DNAJB9: variants seen among roughly 807,000 people sequenced by gnomAD.
The protein encoded by DNAJB9 is dnaJ homolog subfamily B member 9.
DNAJB9 carries 12 observed loss-of-function variants against 19.2 expected under a neutral mutation model. The ratio of observed to expected loss-of-function variants is 0.62; its 90% CI spans 0.40 to 1.01. The LOEUF (loss-of-function observed/expected upper bound fraction) is 1.01. DNAJB9 is among the 50% of genes least tolerant of loss of function. The pLI, the probability that DNAJB9 is intolerant of heterozygous loss-of-function variation, is 0.00. For missense variants in DNAJB9, 272 were observed against 261.1 expected, an observed-to-expected ratio of 1.04 and a Z score of -0.29; for synonymous variants, 83 against 84.0, an observed-to-expected ratio of 0.99 and a Z score of 0.07.
rs187252724 is a variant in DNAJB9, at chr7:108,573,367, C to T, written c.*14C>T. 1 of 1,491,736 alleles carries T rather than the reference C, an allele frequency of 6.7e-7. No homozygotes were observed. Among genetic ancestry groups the T allele is most frequent in the East Asian group, 2.3e-5 (1 of 43,640 alleles). 92.4% of individuals were successfully genotyped at this position (1,491,736 alleles called of 1,614,324 possible). ...TCAGGACAGTAGTTCTTATTCTATTCTCACTAAATCCAACTGGTTGACTCT... is the reference window on the plus strand; with the variant it reads ...TCAGGACAGTAGTTCTTATTCTATTTTCACTAAATCCAACTGGTTGACTCT... On this transcript the variant is annotated 3_prime_UTR_variant, in exon 3 of 3. Transcript: ENST00000249356.
At chr7:108,572,100 C>A in intron 2 of DNAJB9, 157 bp downstream of exon 2, 1 of 624,014 alleles carries the variant, frequency 1.6e-6, no homozygotes, top group Non-Finnish European at 2.7e-6. Context: ...TTTCTTATCA[C>A]AGATGCTTTG....
rs1273750343 is a variant in DNAJB9 at position 108,571,816 on chromosome 7, C to T, written c.90C>T (p.Ile30=). The change falls in exon 2 of 3, where the codon ATC becomes ATT. Residue 30 remains isoleucine (I), a synonymous_variant. Transcript: ENST00000249356. ...TGGCCTCAAAAAGCTACTATGATAT[C>T]TTAGGTGTGCCAAAATCGGCATCAG... The part of the protein sequence containing the change: ...LILASKSYYD[I]LGVPKSASER... The T allele has an allele frequency of 1.2e-6, 2 of 1,613,962 alleles. No individual in the cohort carries two copies. The highest frequency in any genetic ancestry group is 1.7e-6 in the Non-Finnish European group (2 of 1,180,028).
rs147964164 is a variant in DNAJB9, at chr7:108,573,708, A to T, written c.*355A>T. 491 of 167,844 alleles carry T rather than the reference A, an allele frequency of 2.9e-3. 2 individuals are homozygous for T. Among genetic ancestry groups the T allele is most frequent in the Admixed American group, 1.0e-2 (161 of 16,176 alleles). The allele number at this position is 167,844 out of a possible 1,614,324, so 10.4% of individuals were successfully genotyped here. Reference sequence around the variant, plus strand: ...GTTAATTGTAGATTTAAATTGTGTGAACCTAATGATTTTTGCAGTGAAACC... The same window carrying T: ...GTTAATTGTAGATTTAAATTGTGTGTACCTAATGATTTTTGCAGTGAAACC... On this transcript the variant is annotated 3_prime_UTR_variant, in exon 3 of 3. Transcript: ENST00000249356.
chr7:108,572,160 G>A (rs559082751), intron 2 of DNAJB9: 13 of 418,818 alleles, frequency 3.1e-5, no homozygotes, highest in South Asian at 9.9e-5. Context: ...ATTGGTATAC[G>A]TATCTAAAAA....
chr7:108,572,918 T>C lies in DNAJB9; in HGVS notation c.237T>C (p.Asp79=), dbSNP rs61749954. 0.028 allele frequency: 44,544 copies of C among 1,606,132 alleles called. 713 individuals carry two copies. The highest frequency in any genetic ancestry group is 0.033 in the Non-Finnish European group (38,770 of 1,174,886). ...EIAEAYETLS[D]ANRRKEYDTL... ...TTTCAGCATATGAAACACTCTCAGATGCTAATAGACGAAAAGAGTATGATA... is the reference window on the plus strand; with the variant it reads ...TTTCAGCATATGAAACACTCTCAGACGCTAATAGACGAAAAGAGTATGATA... Residue 79 remains aspartate (D), a synonymous_variant, in exon 3 of 3, where the codon GAT becomes GAC. Coordinates refer to ENST00000249356, the MANE Select transcript of DNAJB9 (RefSeq NM_012328.3).
chr7:108,570,834 A>T (rs532296006), intron 1 of DNAJB9, among the ~76,000 whole-genome samples: 3 of 152,032 alleles, frequency 2.0e-5, no homozygotes, highest in East Asian at 1.9e-4. Flanking sequence ...GTTACTAAGG[A>T]CTCTGGTGGT....
chr7:108,570,056 G>A lies in DNAJB9; in HGVS notation c.-58G>A. 5.2e-6 allele frequency: 1 copy of A among 191,496 alleles called. No individual in the cohort carries two copies. The highest frequency in any genetic ancestry group is 1.1e-5 in the Non-Finnish European group (1 of 89,562). The allele number at this position is 191,496 out of a possible 1,614,324, so 11.9% of individuals were successfully genotyped here. On this transcript the variant is annotated 5_prime_UTR_variant, in exon 1 of 3. Coordinates refer to ENST00000249356, the MANE Select transcript of DNAJB9 (RefSeq NM_012328.3). ...CCGACCCGAGCCGATCGTCAGGGTC[G>A]CCAGCGCCTCAGCTCTGTGGAGGAG...
intron 2 of DNAJB9, 136 bp downstream of exon 2, chr7:108,572,079 T>C (rs963203778): frequency 1.4e-6 from 1 of 719,570 alleles, no homozygotes; most frequent in South Asian, 2.0e-5. Flanking sequence ...TGGGTGATTC[T>C]CTGAGATTAT....
chr7:108,572,966 T>C lies in DNAJB9; in HGVS notation c.285T>C (p.Thr95=). 2 of 1,614,088 alleles carry C rather than the reference T, an allele frequency of 1.2e-6. No homozygotes were observed. The highest frequency in any genetic ancestry group is 1.1e-5 in the South Asian group (1 of 91,076). The change falls in exon 3 of 3, where the codon ACT becomes ACC. Residue 95 remains threonine, a synonymous_variant. Transcript: ENST00000249356. ...EYDTLGHSAF[T]SGKGQRGSGS... ...ATACACTTGGACACAGTGCTTTTAC[T>C]AGTGGTAAAGGACAAAGAGGTAGTG...
chr7:108,572,137 AATAG>A (rs1476149209), intron 2 of DNAJB9, 194 bp downstream of exon 2: 1 of 524,612 alleles, frequency 1.9e-6, no homozygotes, highest in African/African-American at 1.9e-5. Flanking sequence ...ATGAAAGAAT[AATAG>A]ATAATTTTAT....
intron 1 of DNAJB9, among the ~76,000 whole-genome samples, chr7:108,571,487 C>G (rs1790619822): frequency 6.6e-6 from 1 of 151,826 alleles, no homozygotes; most frequent in Non-Finnish European, 1.5e-5. Flanking sequence ...TGTGTATGGC[C>G]AGAGTATTAG....
rs1335023029 is a variant in DNAJB9, at chr7:108,570,051, G to C, written c.-63G>C. On this transcript the variant is annotated 5_prime_UTR_variant, in exon 1 of 3. Coordinates refer to ENST00000249356, the MANE Select transcript of DNAJB9 (RefSeq NM_012328.3). ...AGCTGCCGACCCGAGCCGATCGTCA[G>C]GGTCGCCAGCGCCTCAGCTCTGTGG... 5.3e-6 allele frequency: 1 copy of C among 189,926 alleles called. No individual in the cohort carries two copies. Among genetic ancestry groups the C allele is most frequent in the Non-Finnish European group, 1.1e-5 (1 of 88,780 alleles). The allele number at this position is 189,926 out of a possible 1,614,324, so 11.8% of individuals were successfully genotyped here.
intron 1 of DNAJB9, 147 bp from the exon 2 acceptor site, chr7:108,571,570 G>T: frequency 1.5e-6 from 1 of 656,684 alleles, no homozygotes; most frequent in Non-Finnish European, 2.6e-6. Flanking sequence ...AAAACTAAAA[G>T]TGAAATTACA....
chr7:108,573,390 T>C lies in DNAJB9; in HGVS notation c.*37T>C, dbSNP rs1403805932. 4.2e-6 allele frequency: 6 copies of C among 1,414,978 alleles called. No homozygotes were observed. Among genetic ancestry groups the C allele is most frequent in the Non-Finnish European group, 5.6e-6 (6 of 1,068,362 alleles). The allele number at this position is 1,414,978 out of a possible 1,614,324, so 87.7% of individuals were successfully genotyped here. Reference sequence around the variant, plus strand: ...TTCTCACTAAATCCAACTGGTTGACTCTTCCTCATTATCTTTGATGCTAAA... The same window carrying C: ...TTCTCACTAAATCCAACTGGTTGACCCTTCCTCATTATCTTTGATGCTAAA... On this transcript the variant is annotated 3_prime_UTR_variant, in exon 3 of 3. Transcript: ENST00000249356.
rs754671964 is a variant in DNAJB9 at position 108,573,373 on chromosome 7, A to G, written c.*20A>G. 1.6e-5 allele frequency: 24 copies of G among 1,477,756 alleles called. No individual in the cohort carries two copies. In the African/African-American group the frequency reaches 3.2e-4, roughly 20 times the overall value. The allele number at this position is 1,477,756 out of a possible 1,614,324, so 91.5% of individuals were successfully genotyped here. A position where few individuals can be genotyped will look rare whatever the true frequency, so the allele number is the denominator to read the frequency against. ...CAGTAGTTCTTATTCTATTCTCACT[A>G]AATCCAACTGGTTGACTCTTCCTCA... is the stretch of plus-strand genomic sequence containing the variant. On this transcript the variant is annotated 3_prime_UTR_variant, in exon 3 of 3. Coordinates refer to ENST00000249356, the MANE Select transcript of DNAJB9 (RefSeq NM_012328.3).
rs368994075 is a variant in DNAJB9, at chr7:108,573,397, C to T, written c.*44C>T. 253 of 1,395,768 alleles carry T rather than the reference C, an allele frequency of 1.8e-4. No individual in the cohort carries two copies. Among genetic ancestry groups the T allele is most frequent in the Admixed American group, 2.8e-4 (11 of 39,556 alleles). The allele number at this position is 1,395,768 out of a possible 1,614,324, so 86.5% of individuals were successfully genotyped here. ...TAAATCCAACTGGTTGACTCTTCCT[C>T]ATTATCTTTGATGCTAAACAATTTT... On this transcript the variant is annotated 3_prime_UTR_variant, in exon 3 of 3. Transcript: ENST00000249356.
Position 108,574,844 on chromosome 7 carries a change from C to T in DNAJB9, c.*1491C>T, listed in dbSNP as rs1052411161. On this transcript the variant is annotated 3_prime_UTR_variant, in exon 3 of 3. Transcript: ENST00000249356. ...TTTGATAATAATAAAATTAGCTATA[C>T]CTTGAATTTTGGGCTGAGGATTATC... 1.3e-5 allele frequency: 2 copies of T among 151,998 alleles called. No homozygotes were observed. The highest frequency in any genetic ancestry group is 2.9e-5 in the Non-Finnish European group (2 of 67,998). 9.4% of individuals were successfully genotyped at this position (151,998 alleles called of 1,614,324 possible).
rs1468402168 is a variant in DNAJB9, at chr7:108,573,154, A to C, written c.473A>C (p.Glu158Ala). 3 of 1,613,908 alleles carry C rather than the reference A, an allele frequency of 1.9e-6. No homozygotes were observed. In the African/African-American group the frequency reaches 4.0e-5, roughly 22 times the overall value. ...GSSRQRHHFQ[E>A]FSFGGGLFDD... is the part of the protein sequence containing the mutation. ...AGTAGACAAAGGCATCATTTCCAAG[A>C]ATTTTCTTTTGGAGGTGGATTATTT... The change falls in exon 3 of 3, where the codon GAA becomes GCA. Residue 158 changes from glutamate (E) to alanine (A), a missense_variant. Coordinates refer to ENST00000249356, the MANE Select transcript of DNAJB9 (RefSeq NM_012328.3).
At position 108,573,491 on chromosome 7, in the gene DNAJB9, A is replaced by AG. The variant is rs996964896; in HGVS notation, c.*141dup. On this transcript the variant is annotated 3_prime_UTR_variant, in exon 3 of 3. Coordinates refer to ENST00000249356, the MANE Select transcript of DNAJB9 (RefSeq NM_012328.3). ...TTGATATAGCTATTAAATATATTTA[A>AG]GGGTTTTTTTTTTTTGACAAATTCA... The AG allele has an allele frequency of 1.9e-6, 1 of 536,698 alleles. No homozygotes were observed. Among genetic ancestry groups the AG allele is most frequent in the Non-Finnish European group, 2.9e-6 (1 of 346,134 alleles). 33.2% of individuals were successfully genotyped at this position (536,698 alleles called of 1,614,324 possible).
Sources: gnomAD v4.1 joint callset for allele counts (sites outside exome capture counted in the v4.1 genomes callset) on GRCh38, gnomAD v4.1.1 for gene constraint, MANE v1.5 for transcripts, NCBI Gene and HGNC (gene_info 2026-07-23, HGNC 2026-07-21) for gene names.